Variants in KHDC1 observed in about 807,000 individuals in gnomAD.
KHDC1 encodes KH domain containing 1.
In KHDC1, 21 loss-of-function variants were observed where a neutral mutation model predicts 24.7. The observed-to-expected ratio is 0.85, with a 90% CI of 0.60 to 1.23. The LOEUF is 1.23. Ranked by LOEUF, KHDC1 falls within the 50% of genes most tolerant of loss-of-function variation. The pLI is 0.00. For missense variants in KHDC1, 274 were observed against 298.5 expected, an observed-to-expected ratio of 0.92 and a Z score of 0.61; for synonymous variants, 98 against 111.7, an observed-to-expected ratio of 0.88 and a Z score of 0.77.
intron 2 of KHDC1, among the ~76,000 whole-genome samples, chr6:73,255,904 C>CA (rs1205326198): frequency 0.11 from 5,689 of 49,480 alleles, 157 homozygotes; most frequent in African/African-American, 0.14. Flanking sequence ...CCTGTCTCAA[C>CA]AAAAAAAAAA....
At chr6:73,281,015 C>T (rs1233248343) in intron 2 of KHDC1, among the ~76,000 whole-genome samples, 2 of 150,902 alleles carry the variant, frequency 1.3e-5, no homozygotes, top group Admixed American at 6.6e-5. Flanking sequence ...TTGAGATCAG[C>T]CTGGCCAACA....
intron 2 of KHDC1, among the ~76,000 whole-genome samples, chr6:73,289,191 A>G (rs932816690): frequency 2.0e-5 from 3 of 151,158 alleles, no homozygotes; most frequent in African/African-American, 7.3e-5. Flanking sequence ...AAAATTAGAC[A>G]GGCATGGTGG....
chr6:73,306,865 C>T (rs1265005565), intron 1 of KHDC1, among the ~76,000 whole-genome samples: 2 of 152,010 alleles, frequency 1.3e-5, no homozygotes, highest in African/African-American at 4.8e-5. Flanking sequence ...AAAAATTAGC[C>T]AGGTGTGGTG....
rs543550847 is a variant in KHDC1 at position 73,268,908 on chromosome 6, C to T, written c.206+23090G>A. The T allele has an allele frequency of 2.5e-3, 386 of 154,748 alleles. 5 individuals are homozygous for T. The highest frequency in any genetic ancestry group is 3.3e-3 in the Middle Eastern group (1 of 300). 9.6% of individuals were successfully genotyped at this position (154,748 alleles called of 1,614,324 possible). A position where few individuals can be genotyped will look rare whatever the true frequency, so the allele number is the denominator to read the frequency against. ...CCCTTGGGTAGTCGATGGGACTGGG[C>T]GCCATGGAGCAGGGGGTGGTGCTCG... On this transcript the variant is annotated intron_variant, in intron 2 of 4. Transcript: ENST00000370384.
At chr6:73,241,326 G>A (rs1031553260) in exon 5 of KHDC1, 2 of 555,210 alleles carry the variant, frequency 3.6e-6, no homozygotes, top group Non-Finnish European at 6.5e-6. Flanking sequence ...TGCATCATAG[G>A]TAGCTTATTT....
At chr6:73,278,916 T>C (rs548484378) in intron 2 of KHDC1, among the ~76,000 whole-genome samples, 31 of 152,336 alleles carry the variant, frequency 2.0e-4, no homozygotes, top group Non-Finnish European at 3.8e-4. Context: ...ACGTTTTTCC[T>C]GCCTCTTTGT....
intron 2 of KHDC1, 57 bp from the exon 1 acceptor site, chr6:73,263,253 C>T (rs1382747035): frequency 1.0e-6 from 1 of 986,270 alleles, no homozygotes; most frequent in African/African-American, 1.7e-5. Context: ...CCAGAGCCCT[C>T]CTCCCGCCTG....
rs1767314980 is a variant in KHDC1, at chr6:73,277,234, G to A, written c.206+14764C>T. Among the ~76,000 whole-genome samples the A allele has an allele frequency of 3.3e-5, 5 of 152,286 alleles. No individual in the cohort carries two copies. The South Asian group carries it at 1.0e-3, about 32-fold the overall frequency. ...TGTAATTCAAGACTGGGAAGTGGAG[G>A]CAGGCGGATCACCTGAGGTCAGGAG... On this transcript the variant is annotated intron_variant, in intron 2 of 4. Coordinates refer to ENST00000370384, the Ensembl canonical transcript of KHDC1.
intron 2 of KHDC1, chr6:73,263,548 G>C (rs1355407371): frequency 1.3e-5 from 2 of 151,898 alleles, no homozygotes; most frequent in Non-Finnish European, 2.9e-5. Flanking sequence ...AGACCCTCGG[G>C]TGTCGGTCCA....
chr6:73,289,395 A>G lies in KHDC1; in HGVS notation c.206+2603T>C, dbSNP rs190935322. On this transcript the variant is annotated intron_variant, in intron 2 of 4. Coordinates refer to ENST00000370384, the Ensembl canonical transcript of KHDC1. ...TGGGCCAACTACAGTGGCTCCTGTAATCCCAGCACTTTGGGAGGCCAAGGC... is the reference window on the plus strand; with the variant it reads ...TGGGCCAACTACAGTGGCTCCTGTAGTCCCAGCACTTTGGGAGGCCAAGGC... Among the ~76,000 whole-genome samples the G allele has an allele frequency of 3.3e-3, 503 of 150,582 alleles. 3 individuals carry two copies. Among genetic ancestry groups the G allele is most frequent in the African/African-American group, 0.012 (477 of 40,932 alleles).
intron 2 of KHDC1, among the ~76,000 whole-genome samples, chr6:73,286,276 CTA>C (rs1475252190): frequency 6.6e-6 from 1 of 152,088 alleles, no homozygotes; most frequent in East Asian, 1.9e-4. Context: ...AAAAAAGTCT[CTA>C]TATAGTTTAC....
chr6:73,277,268 C>T (rs1195827344), intron 2 of KHDC1, among the ~76,000 whole-genome samples: 1 of 152,124 alleles, frequency 6.6e-6, no homozygotes, highest in Non-Finnish European at 1.5e-5. Flanking sequence ...AGTTCCAGAC[C>T]AGCCTACCCA....
chr6:73,262,897 G>T, intron 2 of KHDC1: 1 of 986,678 alleles, frequency 1.0e-6, no homozygotes, highest in South Asian at 4.6e-5. Flanking sequence ...TGATGCCGCC[G>T]GGAACCCAGG....
At chr6:73,251,679 A>G (rs1766778835) in intron 2 of KHDC1, among the ~76,000 whole-genome samples, 1 of 152,236 alleles carries the variant, frequency 6.6e-6, no homozygotes, top group Non-Finnish European at 1.5e-5. Context: ...TTGCAACTGT[A>G]CTAAAACCAT....
intron 1 of KHDC1, chr6:73,309,403 T>C (rs943012012): frequency 1.1e-5 from 8 of 725,652 alleles, no homozygotes; most frequent in Non-Finnish European, 1.6e-5. Flanking sequence ...ACACCCAGGG[T>C]TTTTTTTAAC....
intron 2 of KHDC1, among the ~76,000 whole-genome samples, chr6:73,288,305 T>A (rs1266051124): frequency 6.6e-6 from 1 of 152,088 alleles, no homozygotes; most frequent in Non-Finnish European, 1.5e-5. Flanking sequence ...TTCTCTTCCA[T>A]CCCTATCAGA....
chr6:73,270,988 C>G (rs1364573159), intron 2 of KHDC1, among the ~76,000 whole-genome samples: 2 of 151,776 alleles, frequency 1.3e-5, no homozygotes, highest in African/African-American at 2.4e-5. Context: ...CCGCGCCCGG[C>G]CTGTTGCTCT....
At chr6:73,294,900 C>A (rs1767731398) in intron 1 of KHDC1, among the ~76,000 whole-genome samples, 1 of 152,074 alleles carries the variant, frequency 6.6e-6, no homozygotes, top group East Asian at 1.9e-4. Flanking sequence ...ACACCTGTAA[C>A]CCCAACACTT....
At chr6:73,263,385 G>A in intron 2 of KHDC1, 189 bp from the exon 1 acceptor site, 1 of 669,722 alleles carries the variant, frequency 1.5e-6, no homozygotes, top group Non-Finnish European at 1.8e-6. Flanking sequence ...AGACCCGGAC[G>A]ACCCCCATTG....
Sources: allele counts gnomAD v4.1 joint callset (sites outside exome capture counted in the v4.1 genomes callset), GRCh38; gene constraint gnomAD v4.1.1; transcripts MANE v1.5; gene names NCBI Gene and HGNC (gene_info 2026-07-23, HGNC 2026-07-21).